Variants in PPARGC1B observed in about 807,000 individuals in gnomAD.
PPARGC1B encodes the protein peroxisome proliferator-activated receptor gamma coactivator 1-beta.
In PPARGC1B, 34 loss-of-function variants were observed where a neutral mutation model predicts 101.6. The ratio of observed to expected loss-of-function variants is 0.33; its 90% CI spans 0.25 to 0.45. PPARGC1B has a LOEUF of 0.45. Among genes scored for constraint, PPARGC1B ranks in the 20% least tolerant of loss-of-function variants. PPARGC1B has a pLI of 1.00. For synonymous variants in PPARGC1B, 548 were observed against 539.3 expected (o/e 1.02, Z -0.22); for missense variants, 1,234 against 1,317.6 (o/e 0.94, Z 0.98).
intron 1 of PPARGC1B, among the ~76,000 whole-genome samples, chr5:149,767,190 G>A (rs1447652872): frequency 6.6e-6 from 1 of 152,218 alleles, no homozygotes; most frequent in Non-Finnish European, 1.5e-5. Flanking sequence ...GGAAGGTGTG[G>A]GTTGGGGTGT....
Position 149,833,311 on chromosome 5 carries a change from G to A in PPARGC1B, c.1238G>A (p.Arg413Gln), listed in dbSNP as rs138692598. Reference protein sequence around the residue: ...TGPRPSLRPLRLEVKREVRRP... With the variant: ...TGPRPSLRPLQLEVKREVRRP... The stretch of plus-strand genomic sequence containing the variant: ...CCCAGACCAAGCCTGCGCCCACTGC[G>A]GCTGGAGGTGAAAAGGGAGGTCCGC... Residue 413 changes from arginine to glutamine, a missense_variant, in exon 5 of 12, where the codon CGG (arginine) becomes CAG (glutamine). Coordinates refer to ENST00000309241, the MANE Select transcript of PPARGC1B (RefSeq NM_133263.4). The surrounding 1 kb of genome is among the most constrained non-coding windows in gnomAD (Gnocchi z 4.1). The A allele has an allele frequency of 1.6e-4, 259 of 1,613,472 alleles. No homozygotes were observed. The African/African-American group carries it at 2.1e-3, about 13-fold the overall frequency.
At chr5:149,756,381 G>C (rs1755521372) in intron 1 of PPARGC1B, among the ~76,000 whole-genome samples, 1 of 152,130 alleles carries the variant, frequency 6.6e-6, no homozygotes, top group African/African-American at 2.4e-5. Flanking sequence ...GAACCCAGGA[G>C]GCAGAGGTTG....
rs1342251269 is a variant in PPARGC1B, at chr5:149,839,987, C to T, written c.2619-54C>T. ...GCGTCCTGGAGCAGATCCGCCCCCA[C>T]CCCCATGGTATCTCCCGAGAGTGAG... On this transcript the variant is annotated intron_variant, in intron 8 of 11. Coordinates refer to ENST00000309241, the MANE Select transcript of PPARGC1B (RefSeq NM_133263.4). 8.3e-6 allele frequency: 13 copies of T among 1,570,338 alleles called. No homozygotes were observed. In the East Asian group the frequency reaches 2.5e-4, roughly 30 times the overall value.
chr5:149,748,286 G>GAGATATAGATAT lies in PPARGC1B; in HGVS notation c.78+17892_78+17903dup, dbSNP rs56098088. On this transcript the variant is annotated intron_variant, in intron 1 of 11. Coordinates refer to ENST00000309241, the MANE Select transcript of PPARGC1B (RefSeq NM_133263.4). ...TTCCTCACCTGTGAAATGGGGTGAAGAGATATAGATATAGATATAGATATA... is the reference window on the plus strand; with the variant it reads ...TTCCTCACCTGTGAAATGGGGTGAAGAGATATAGATATAGATATAGATATAGATATAGATATA... Among the ~76,000 whole-genome samples the GAGATATAGATAT allele has an allele frequency of 5.0e-3, 745 of 148,422 alleles. 4 individuals are homozygous for GAGATATAGATAT. The highest frequency in any genetic ancestry group is 0.014 in the Middle Eastern group (4 of 288).
rs116676378 is a variant in PPARGC1B, at chr5:149,743,648, C to T, written c.78+13228C>T. ...ACATTTGCCTGATGTTTGCCTGGCC[C>T]AGAGGTCCTTCTTTGTGCCTGGAGA... On this transcript the variant is annotated intron_variant, in intron 1 of 11. Transcript: ENST00000309241. Among the ~76,000 whole-genome samples the T allele has an allele frequency of 5.3e-3, 814 of 152,220 alleles. 9 individuals carry two copies. Among genetic ancestry groups the T allele is most frequent in the African/African-American group, 0.018 (768 of 41,516 alleles).
chr5:149,816,760 G>T (rs1681367040), intron 1 of PPARGC1B, among the ~76,000 whole-genome samples: 1 of 152,162 alleles, frequency 6.6e-6, no homozygotes, highest in African/African-American at 2.4e-5. Flanking sequence ...GGGCTTTGCT[G>T]GCCTCGGAGG....
chr5:149,842,182 G>A (rs1759370152), intron 9 of PPARGC1B, 74 bp from the exon 10 acceptor site: 1 of 1,574,604 alleles, frequency 6.4e-7, no homozygotes, highest in Non-Finnish European at 8.7e-7. Context: ...AGGACTCCAC[G>A]GGAGCCCACT....
chr5:149,799,693 G>GTTTTTTTTTTTTTTTTTTTTTTTTTTT (rs11371560), intron 1 of PPARGC1B, among the ~76,000 whole-genome samples: 3 of 76,480 alleles, frequency 3.9e-5, no homozygotes, highest in African/African-American at 1.1e-4. Context: ...GCTTGTTGTT[G>GTTTTTTTTTTTTTTTTTTTTTTTTTTT]TTTTTTTTTT....
At chr5:149,740,660 T>C (rs1477567988) in intron 1 of PPARGC1B, among the ~76,000 whole-genome samples, 1 of 152,222 alleles carries the variant, frequency 6.6e-6, no homozygotes, top group Non-Finnish European at 1.5e-5. Flanking sequence ...GCTCTACCAC[T>C]TACTAGCTAT....
intron 9 of PPARGC1B, among the ~76,000 whole-genome samples, chr5:149,841,655 G>A (rs1009468052): frequency 2.0e-5 from 3 of 152,142 alleles, no homozygotes; most frequent in African/African-American, 7.2e-5. Flanking sequence ...TCAAATCACA[G>A]ATCTGAGAGG....
chr5:149,855,980 G>T (rs1759937427), downstream of PPARGC1B, among the ~76,000 whole-genome samples: 1 of 152,090 alleles, frequency 6.6e-6, no homozygotes, highest in Admixed American at 6.6e-5. Context: ...AGCCCGGCGT[G>T]GTGAGGGGCG....
intron 1 of PPARGC1B, among the ~76,000 whole-genome samples, chr5:149,740,744 A>G (rs1754877999): frequency 6.6e-6 from 1 of 152,236 alleles, no homozygotes; most frequent in Admixed American, 6.5e-5. Context: ...TGGGGATAAT[A>G]ATAGTATGCT....
intron 1 of PPARGC1B, among the ~76,000 whole-genome samples, chr5:149,747,549 A>G (rs1214101730): frequency 6.6e-6 from 1 of 152,182 alleles, no homozygotes; most frequent in Admixed American, 6.5e-5. Context: ...GCCCCGCCCC[A>G]AAATATCATG....
chr5:149,744,537 T>C (rs917119117), intron 1 of PPARGC1B, among the ~76,000 whole-genome samples: 5 of 152,202 alleles, frequency 3.3e-5, no homozygotes, highest in African/African-American at 9.7e-5. Flanking sequence ...CTGTTCAGTG[T>C]TCTCCGAGAA....
Position 149,811,541 on chromosome 5 carries a change from A to G in PPARGC1B, c.79-8892A>G, listed in dbSNP as rs1757866590. 2.0e-5 allele frequency among the ~76,000 whole-genome samples: 3 copies of G among 152,194 alleles called. No homozygotes were observed. The South Asian group carries it at 6.2e-4, about 32-fold the overall frequency. On this transcript the variant is annotated intron_variant, in intron 1 of 11. Coordinates refer to ENST00000309241, the MANE Select transcript of PPARGC1B (RefSeq NM_133263.4). ...ACAGCTGAATCTTAGTAAATAAACAACTAAGTCGGTGGGAGCAGACCAGCT... is the reference window on the plus strand; with the variant it reads ...ACAGCTGAATCTTAGTAAATAAACAGCTAAGTCGGTGGGAGCAGACCAGCT...
chr5:149,796,020 T>A (rs1297510548), intron 1 of PPARGC1B, among the ~76,000 whole-genome samples: 1 of 152,192 alleles, frequency 6.6e-6, no homozygotes, highest in Non-Finnish European at 1.5e-5. Flanking sequence ...GAGTGCCTAC[T>A]GTGTGCCGAG....
Position 149,847,874 on chromosome 5 carries a change from T to G in PPARGC1B, c.*316T>G. The G allele has an allele frequency of 2.7e-6, 1 of 369,734 alleles. No homozygotes were observed. The highest frequency in any genetic ancestry group is 4.9e-6 in the Non-Finnish European group (1 of 202,992). 22.9% of individuals were successfully genotyped at this position (369,734 alleles called of 1,614,324 possible). A position where few individuals can be genotyped will look rare whatever the true frequency, so the allele number is the denominator to read the frequency against. On this transcript the variant is annotated 3_prime_UTR_variant, in exon 12 of 12. Transcript: ENST00000309241. ...CATCGCCCCTTCCTTCCCGACTGAC[T>G]TCCTCTCGTAGACTTGCAGCTGTGT...
At chr5:149,748,636 G>T (rs1755173942) in intron 1 of PPARGC1B, among the ~76,000 whole-genome samples, 1 of 152,192 alleles carries the variant, frequency 6.6e-6, no homozygotes, top group South Asian at 2.1e-4. Context: ...AGGATGAGCA[G>T]GAGCTGGCCA....
Position 149,826,738 on chromosome 5 carries a change from T to G in PPARGC1B, c.318T>G (p.Asp106Glu), listed in dbSNP as rs558015057. 1 of 1,613,864 alleles carries G rather than the reference T, an allele frequency of 6.2e-7. No homozygotes were observed. The highest frequency in any genetic ancestry group is 1.3e-5 in the African/African-American group (1 of 74,854). The change falls in exon 3 of 12, where the codon GAT becomes GAG. Residue 106 changes from aspartate to glutamate, a missense_variant. Around this residue, in one of 3 missense-constraint regions of PPARGC1B, gnomAD observed 734 missense variants for 768.4 expected, o/e 0.96. Transcript: ENST00000309241. Reference protein sequence around the residue: ...LTKTLDDIPEDDVGLAAFPAL... With the variant: ...LTKTLDDIPEEDVGLAAFPAL... ...AGACCCTGGATGACATCCCTGAAGA[T>G]GACGTGGGTCTGGCTGCCTTCCCAG...
Sources: gnomAD v4.1 joint callset for allele counts (sites outside exome capture counted in the v4.1 genomes callset) on GRCh38, gnomAD v4.1.1 for gene constraint, gnomAD v4.1.1 regional missense constraint, Gnocchi (gnomAD v3.1) non-coding constraint, MANE v1.5 for transcripts, NCBI Gene and HGNC (gene_info 2026-07-23, HGNC 2026-07-21) for gene names.